EYS: variants seen among roughly 807,000 people sequenced by gnomAD.
EYS encodes the protein protein eyes shut homolog.
EYS carries 250 observed loss-of-function variants against 282.1 expected under a neutral mutation model. The ratio of observed to expected loss-of-function variants is 0.89; its 90% confidence interval spans 0.80 to 0.98. The LOEUF is 0.98. EYS is among the 50% of genes least tolerant of loss of function. The pLI, the probability that EYS is intolerant of heterozygous loss-of-function variation, is 0.00. For synonymous variants in EYS, 1,355 were observed against 1,282.9 expected (o/e 1.06, Z -1.20); for missense variants, 4,016 against 3,709.0 (o/e 1.08, Z -2.15).
intron 29 of EYS, among the ~76,000 whole-genome samples, chr6:64,335,058 G>T (rs1427085103): frequency 6.6e-6 from 1 of 151,970 alleles, no homozygotes; most frequent in African/African-American, 2.4e-5. Flanking sequence ...AGTACCAACT[G>T]GTATCCCAAG....
intron 26 of EYS, among the ~76,000 whole-genome samples, chr6:64,487,653 C>T (rs1776616804): frequency 6.6e-6 from 1 of 150,710 alleles, no homozygotes; most frequent in Non-Finnish European, 1.5e-5. Flanking sequence ...ATGTGGGATA[C>T]TATCAATAAT....
chr6:64,046,403 T>C (rs994124502), intron 33 of EYS, among the ~76,000 whole-genome samples: 12 of 152,144 alleles, frequency 7.9e-5, no homozygotes, highest in Admixed American at 2.6e-4. Flanking sequence ...CTATTTGGAT[T>C]CACCAGAGGA....
chr6:65,283,646 C>T (rs1184369993), intron 12 of EYS, among the ~76,000 whole-genome samples: 1 of 151,832 alleles, frequency 6.6e-6, no homozygotes, highest in Non-Finnish European at 1.5e-5. Flanking sequence ...CTCTACTTTT[C>T]TCCAATTTTA....
intron 33 of EYS, among the ~76,000 whole-genome samples, chr6:64,015,930 T>C (rs1404809902): frequency 6.6e-6 from 1 of 152,196 alleles, no homozygotes; most frequent in African/African-American, 2.4e-5. Context: ...TCCAGGCTTA[T>C]GAGGCAAAAA....
At chr6:65,245,216 G>C (rs763833791) in intron 12 of EYS, among the ~76,000 whole-genome samples, 3 of 152,096 alleles carry the variant, frequency 2.0e-5, no homozygotes, top group Non-Finnish European at 4.4e-5. Flanking sequence ...AAACCAATAT[G>C]TAAATAAAGA....
At chr6:64,334,291 G>A (rs549564207) in intron 29 of EYS, among the ~76,000 whole-genome samples, 1 of 152,244 alleles carries the variant, frequency 6.6e-6, no homozygotes, top group South Asian at 2.1e-4. Flanking sequence ...ATGGACAGGG[G>A]CATGTGTATT....
At chr6:64,979,216 G>A (rs1038778850) in intron 14 of EYS, among the ~76,000 whole-genome samples, 3 of 151,712 alleles carry the variant, frequency 2.0e-5, no homozygotes, top group African/African-American at 7.3e-5. Context: ...CAGTAGACTA[G>A]AATCAAAGCC....
At chr6:63,803,243 T>A (rs1770822329) in intron 37 of EYS, among the ~76,000 whole-genome samples, 1 of 151,592 alleles carries the variant, frequency 6.6e-6, no homozygotes, top group African/African-American at 2.4e-5. Flanking sequence ...AAGTTTTCAT[T>A]TGCCAGGCTT....
intron 8 of EYS, among the ~76,000 whole-genome samples, chr6:65,354,313 G>A (rs541286027): frequency 9.9e-5 from 15 of 152,034 alleles, no homozygotes; most frequent in Admixed American, 5.9e-4. Flanking sequence ...ACTTCTCCAC[G>A]TTTTTTATTA....
chr6:64,268,853 C>T (rs777895946), intron 30 of EYS, among the ~76,000 whole-genome samples: 43 of 152,112 alleles, frequency 2.8e-4, no homozygotes, highest in Non-Finnish European at 5.3e-4. Flanking sequence ...CATGGTTTAG[C>T]TCTTCTTTCT....
chr6:65,039,212 T>C (rs1291666378), intron 13 of EYS, among the ~76,000 whole-genome samples: 2 of 151,574 alleles, frequency 1.3e-5, no homozygotes, highest in East Asian at 1.9e-4. Context: ...GAAGTCAATG[T>C]CATTTTTTCC....
At chr6:64,291,838 C>A (rs1768722047) in intron 30 of EYS, among the ~76,000 whole-genome samples, 1 of 151,958 alleles carries the variant, frequency 6.6e-6, no homozygotes, top group Non-Finnish European at 1.5e-5. Flanking sequence ...TGTTATTCTT[C>A]TTAGAAGATT....
chr6:65,174,755 A>G (rs1176462937), intron 12 of EYS, among the ~76,000 whole-genome samples: 1 of 151,318 alleles, frequency 6.6e-6, no homozygotes, highest in Non-Finnish European at 1.5e-5. Flanking sequence ...TAAGTGAAGC[A>G]CTAAATATAA....
intron 30 of EYS, among the ~76,000 whole-genome samples, chr6:64,243,652 A>G (rs1766910734): frequency 6.6e-6 from 1 of 152,228 alleles, no homozygotes; most frequent in African/African-American, 2.4e-5. Context: ...GTGCCTAGAA[A>G]AGTAGAAAAA....
chr6:64,151,335 A>ATATATATATT lies in EYS; in HGVS notation c.6425-69334_6425-69333insAATATATATA, dbSNP rs1554212627. 1.5e-4 allele frequency among the ~76,000 whole-genome samples: 16 copies of ATATATATATT among 104,044 alleles called. 1 individual carries two copies. The highest frequency in any genetic ancestry group is 8.2e-4 in the African/African-American group (16 of 19,420). The allele number at this position is 104,044 out of a possible 152,430, so 68.3% of individuals were successfully genotyped here. A position where few individuals can be genotyped will look rare whatever the true frequency, so the allele number is the denominator to read the frequency against. On this transcript the variant is annotated intron_variant, in intron 31 of 42. Coordinates refer to ENST00000503581, the MANE Select transcript of EYS (RefSeq NM_001142800.2). The stretch of plus-strand genomic sequence containing the variant: ...TGTATATTTATATATATATATATAT[A>ATATATATATT]TATATATATATATATATATATATAT...
intron 14 of EYS, among the ~76,000 whole-genome samples, chr6:64,946,865 T>C (rs1290425716): frequency 6.6e-6 from 1 of 151,968 alleles, no homozygotes; most frequent in African/African-American, 2.4e-5. Context: ...AAGAGTTAAA[T>C]GAAACGTACG....
At chr6:64,644,579 G>A (rs1392156963) in intron 22 of EYS, among the ~76,000 whole-genome samples, 1 of 152,072 alleles carries the variant, frequency 6.6e-6, no homozygotes, top group Non-Finnish European at 1.5e-5. Context: ...ACATTCTGGA[G>A]ATTTATACTT....
At chr6:65,647,247 A>G (rs1207956533) in intron 1 of EYS, among the ~76,000 whole-genome samples, 2 of 152,214 alleles carry the variant, frequency 1.3e-5, no homozygotes, top group East Asian at 3.8e-4. Context: ...CAGGTATCAC[A>G]TTACCTGACT....
rs10498823 is a variant in EYS, at chr6:64,424,223, T to C, written c.5927+11951A>G. ...ACCCCCGTTTTCATATTTTTGACAGTTTACGACCTACATAAAATATGCACA... is the reference window on the plus strand; with the variant it reads ...ACCCCCGTTTTCATATTTTTGACAGCTTACGACCTACATAAAATATGCACA... On this transcript the variant is annotated intron_variant, in intron 28 of 42. Coordinates refer to ENST00000503581, the MANE Select transcript of EYS (RefSeq NM_001142800.2). 9.2e-3 allele frequency among the ~76,000 whole-genome samples: 1,402 copies of C among 152,322 alleles called. 18 individuals carry two copies. The highest frequency in any genetic ancestry group is 0.049 in the East Asian group (252 of 5,184).
Sources: gnomAD v4.1 joint callset for allele counts (sites outside exome capture counted in the v4.1 genomes callset) on GRCh38, gnomAD v4.1.1 for gene constraint, MANE v1.5 for transcripts, NCBI Gene and HGNC (gene_info 2026-07-23, HGNC 2026-07-21) for gene names.